KCNIP1: variants seen among roughly 807,000 people sequenced by gnomAD.
KCNIP1 encodes the protein potassium voltage-gated channel interacting protein 1.
A neutral mutation model predicts 33.0 loss-of-function variants in KCNIP1; 18 were observed. That is an observed-to-expected ratio of 0.55 (90% CI 0.38 to 0.81). The LOEUF (loss-of-function observed/expected upper bound fraction) is 0.81, where lower values mean the gene tolerates loss of function less well. Among genes scored for constraint, KCNIP1 ranks in the 30% least tolerant of loss-of-function variants. The pLI is 0.00. For synonymous variants in KCNIP1, 93 were observed against 98.3 expected (o/e 0.95, Z 0.32); for missense variants, 238 against 271.6 (o/e 0.88, Z 0.87).
intron 1 of KCNIP1, among the ~76,000 whole-genome samples, chr5:170,712,386 A>G (rs1763480545): frequency 1.3e-5 from 2 of 152,242 alleles, no homozygotes; most frequent in South Asian, 4.1e-4. Context: ...TAGATACTTC[A>G]TTGACAGTTA....
At chr5:170,416,966 T>C (rs1755347751) in intron 1 of KCNIP1, among the ~76,000 whole-genome samples, 1 of 152,246 alleles carries the variant, frequency 6.6e-6, no homozygotes. Flanking sequence ...TGGTGCAATA[T>C]CTTTTTAATT....
At chr5:170,567,021 A>T (rs1757227148) in intron 1 of KCNIP1, among the ~76,000 whole-genome samples, 1 of 152,178 alleles carries the variant, frequency 6.6e-6, no homozygotes, top group Non-Finnish European at 1.5e-5. Context: ...TTACCTAGAA[A>T]AGCTAGAAAC....
chr5:170,469,267 C>T (rs1343928902), intron 1 of KCNIP1, among the ~76,000 whole-genome samples: 2 of 151,982 alleles, frequency 1.3e-5, no homozygotes, highest in Non-Finnish European at 2.9e-5. Flanking sequence ...TGGTGGTGTA[C>T]ACCTGTAGTC....
intron 1 of KCNIP1, among the ~76,000 whole-genome samples, chr5:170,528,895 C>T (rs1755682884): frequency 6.6e-6 from 1 of 152,176 alleles, no homozygotes; most frequent in Non-Finnish European, 1.5e-5. Flanking sequence ...GAAGTCCACT[C>T]CACTGCATTC....
At chr5:170,662,579 C>A (rs1461330727) in intron 1 of KCNIP1, among the ~76,000 whole-genome samples, 1 of 152,180 alleles carries the variant, frequency 6.6e-6, no homozygotes, top group Non-Finnish European at 1.5e-5. Context: ...TGGAGGAGAG[C>A]CAGAAGCCTT....
chr5:170,370,073 G>T (rs2113305512), intron 1 of KCNIP1, among the ~76,000 whole-genome samples: 1 of 152,236 alleles, frequency 6.6e-6, no homozygotes, highest in South Asian at 2.1e-4. Context: ...TTAAGTCAGG[G>T]TACCCCTAGA....
At chr5:170,474,298 C>T (rs1756802157) in intron 1 of KCNIP1, among the ~76,000 whole-genome samples, 1 of 152,150 alleles carries the variant, frequency 6.6e-6, no homozygotes, top group Non-Finnish European at 1.5e-5. Context: ...ACCCAAAGCA[C>T]CCCTATTCCT....
At chr5:170,454,931 A>G (rs1421940564) in intron 1 of KCNIP1, among the ~76,000 whole-genome samples, 2 of 152,232 alleles carry the variant, frequency 1.3e-5, no homozygotes, top group Non-Finnish European at 2.9e-5. Flanking sequence ...TCAATGTTAG[A>G]CAAAATGGAT....
rs186390236 is a variant in KCNIP1, at chr5:170,520,999, G to A, written c.61+16366G>A. The stretch of plus-strand genomic sequence containing the variant: ...GTTGCTGTGGGGCTTAATTGAGAAG[G>A]TATATGTGAAATGCCTGCTCCATAA... On this transcript the variant is annotated intron_variant, in intron 1 of 7. Coordinates refer to ENST00000328939, the MANE Select transcript of KCNIP1 (RefSeq NM_014592.4). Among the ~76,000 whole-genome samples, 173 of 152,324 alleles carry A rather than the reference G, an allele frequency of 1.1e-3. 1 individual carries two copies. The highest frequency in any genetic ancestry group is 3.4e-3 in the Middle Eastern group (1 of 294).
At chr5:170,501,944 T>C (rs191297036), upstream of KCNIP1, among the ~76,000 whole-genome samples, 307 of 152,312 alleles carry the variant, frequency 2.0e-3, 4 homozygotes, top group African/African-American at 7.3e-3. Flanking sequence ...CTCCCTGGCC[T>C]GGACAAGCCC....
intron 1 of KCNIP1, among the ~76,000 whole-genome samples, chr5:170,633,573 G>C (rs1760146735): frequency 6.7e-6 from 1 of 149,700 alleles, no homozygotes. Flanking sequence ...AGCCAGTGCA[G>C]AGGAATGTGC....
At chr5:170,549,855 G>C (rs889173524) in intron 1 of KCNIP1, among the ~76,000 whole-genome samples, 3 of 152,076 alleles carry the variant, frequency 2.0e-5, no homozygotes, top group Non-Finnish European at 2.9e-5. Flanking sequence ...TTCATTTTTT[G>C]GGTAGAATTC....
At position 170,433,058 on chromosome 5, in the gene KCNIP1, C is replaced by T. The variant is rs150608902; in HGVS notation, c.88+79094C>T. Among the ~76,000 whole-genome samples the T allele has an allele frequency of 1.8e-3, 268 of 152,276 alleles. 1 individual carries two copies. The highest frequency in any genetic ancestry group is 6.8e-3 in the Middle Eastern group (2 of 294). On this transcript the variant is annotated intron_variant, in intron 1 of 7. Coordinates refer to the KCNIP1 transcript ENST00000377360. ...CAGGAGGGAAATCTTCTCCATGGCT[C>T]TCAATCCAGACACACAATTTGAACC... is the stretch of plus-strand genomic sequence containing the variant.
rs554545923 is a variant in KCNIP1, at chr5:170,452,565, C to T, written c.88+98601C>T. 2.0e-5 allele frequency among the ~76,000 whole-genome samples: 3 copies of T among 152,292 alleles called. No homozygotes were observed. The South Asian group carries it at 6.2e-4, about 32-fold the overall frequency. ...TTTAGGGGCTCCTGTCACTTCCCAT[C>T]TTCAGGCCAAGCTGACATCCATGGC... On this transcript the variant is annotated intron_variant, in intron 1 of 7. Transcript: ENST00000377360.
rs184235254 is a variant in KCNIP1, at chr5:170,606,269, G to A, written c.61+101636G>A. On this transcript the variant is annotated intron_variant, in intron 1 of 7. Coordinates refer to ENST00000328939, the MANE Select transcript of KCNIP1 (RefSeq NM_014592.4). ...TCTTTGGGGTATATACCCAGGAGTGGAATCGTTGGCTCATATGGTAACTCT... is the reference window on the plus strand; with the variant it reads ...TCTTTGGGGTATATACCCAGGAGTGAAATCGTTGGCTCATATGGTAACTCT... Among the ~76,000 whole-genome samples the A allele has an allele frequency of 4.6e-5, 7 of 152,282 alleles. No individual in the cohort carries two copies. In the East Asian group the frequency reaches 1.2e-3, roughly 25 times the overall value.
chr5:170,380,035 T>A (rs879484152), intron 1 of KCNIP1, among the ~76,000 whole-genome samples: 6 of 151,936 alleles, frequency 3.9e-5, no homozygotes, highest in Non-Finnish European at 7.4e-5. Context: ...AAACAAACTA[T>A]GTTGGCAAGC....
chr5:170,520,754 G>A (rs565579337), intron 1 of KCNIP1, among the ~76,000 whole-genome samples: 7 of 152,292 alleles, frequency 4.6e-5, no homozygotes, highest in Admixed American at 6.5e-5. Flanking sequence ...TTCAGCAGCC[G>A]GACTCTGGGG....
chr5:170,450,858 T>C (rs1483047394), intron 1 of KCNIP1, among the ~76,000 whole-genome samples: 1 of 152,136 alleles, frequency 6.6e-6, no homozygotes, highest in Non-Finnish European at 1.5e-5. Flanking sequence ...TTATCTCCCC[T>C]GCAAGGCCAG....
chr5:170,560,685 CCT>C (rs1291490609), intron 1 of KCNIP1, among the ~76,000 whole-genome samples: 1 of 152,154 alleles, frequency 6.6e-6, no homozygotes, highest in East Asian at 1.9e-4. Flanking sequence ...CGCTTCTCAG[CCT>C]CTGTCTCTCT....
Sources: gnomAD v4.1 joint callset for allele counts (sites outside exome capture counted in the v4.1 genomes callset) on GRCh38, gnomAD v4.1.1 for gene constraint, MANE v1.5 for transcripts, NCBI Gene and HGNC (gene_info 2026-07-23, HGNC 2026-07-21) for gene names.